The following HTR4 variants were observed in gnomAD, a reference collection of about 807,000 sequenced individuals.
HTR4 encodes the protein 5-hydroxytryptamine receptor 4.
HTR4 carries 16 observed loss-of-function variants against 36.8 expected under a neutral mutation model. The ratio of observed to expected loss-of-function variants is 0.43; its 90% CI spans 0.29 to 0.66. HTR4 has a LOEUF of 0.66. HTR4 is among the 30% of genes least tolerant of loss of function. The probability of loss-of-function intolerance (pLI) is 0.13; values close to 1 mark genes in which losing one functional copy is unlikely to be tolerated. For synonymous variants in HTR4, 189 were observed against 185.1 expected, an observed-to-expected ratio of 1.02 and a Z score of -0.17; for missense variants, 438 against 490.9, an observed-to-expected ratio of 0.89 and a Z score of 1.02.
intron 6 of HTR4, among the ~76,000 whole-genome samples, chr5:148,496,617 A>T (rs1756696463): frequency 6.6e-6 from 1 of 152,156 alleles, no homozygotes. Context: ...AGCCACAGGG[A>T]TGGAAACGTC....
chr5:148,551,856 G>A (rs553687824), intron 2 of HTR4, among the ~76,000 whole-genome samples: 19 of 152,280 alleles, frequency 1.2e-4, no homozygotes, highest in South Asian at 6.2e-4. Context: ...CAGGCCATGG[G>A]TTAGACAAGT....
chr5:148,549,079 G>A (rs1056602050), intron 3 of HTR4, among the ~76,000 whole-genome samples: 21 of 152,160 alleles, frequency 1.4e-4, no homozygotes, highest in Non-Finnish European at 3.1e-4. Flanking sequence ...GACCCAGCGT[G>A]GTCCAGCCTC....
Position 148,529,418 on chromosome 5 carries a change from G to C in HTR4, c.354-6072C>G, listed in dbSNP as rs184482318. Among the ~76,000 whole-genome samples the C allele has an allele frequency of 5.6e-4, 85 of 152,174 alleles. 1 individual carries two copies. The highest frequency in any genetic ancestry group is 2.0e-3 in the African/African-American group (81 of 41,518). On this transcript the variant is annotated intron_variant, in intron 4 of 6. Coordinates refer to ENST00000377888, the MANE Select transcript of HTR4 (RefSeq NM_000870.7). ...CATGTTGTTCTCATGATGGTGACTG[G>C]GTCTCACAAGATCTGATGGTTTTAT...
chr5:148,484,318 C>A (rs1360292316), intron 6 of HTR4: 2 of 1,613,064 alleles, frequency 1.2e-6, no homozygotes, highest in South Asian at 1.1e-5. Flanking sequence ...GAGAATGGAC[C>A]CGCTCTGGCA....
intron 2 of HTR4, among the ~76,000 whole-genome samples, chr5:148,631,668 T>A (rs562535582): frequency 6.6e-6 from 1 of 152,190 alleles, no homozygotes; most frequent in Non-Finnish European, 1.5e-5. Context: ...AAAATTTCTA[T>A]CTTTTTCTGT....
intron 2 of HTR4, among the ~76,000 whole-genome samples, chr5:148,634,916 T>C (rs761617087): frequency 1.2e-4 from 18 of 152,184 alleles, no homozygotes; most frequent in Admixed American, 2.0e-4. Context: ...AAGAAGAATT[T>C]CTGGTTCATG....
rs537853941 is a variant in HTR4, at chr5:148,651,927, T to C, written c.-48+2135A>G. Among the ~76,000 whole-genome samples, 4 of 152,242 alleles carry C rather than the reference T, an allele frequency of 2.6e-5. No individual in the cohort carries two copies. The South Asian group carries it at 8.3e-4, about 32-fold the overall frequency. On this transcript the variant is annotated intron_variant, in intron 1 of 6. Coordinates refer to ENST00000377888, the MANE Select transcript of HTR4 (RefSeq NM_000870.7). ...CTAGCATTGAAAGAACCCTTGGAAA[T>C]GATCTAGTGGCTAGATTCTAGCTGA...
downstream of HTR4, among the ~76,000 whole-genome samples, chr5:148,480,294 G>A (rs895975034): frequency 1.3e-5 from 2 of 152,162 alleles, no homozygotes; most frequent in South Asian, 4.2e-4. Flanking sequence ...TTCGTGTGTT[G>A]GGCAACCTGA....
Position 148,576,128 on chromosome 5 carries a change from A to AAAAAAAAAAAC in HTR4, c.27-25867_27-25866insGTTTTTTTTTT, listed in dbSNP as rs1561629268. 4.8e-5 allele frequency among the ~76,000 whole-genome samples: 7 copies of AAAAAAAAAAAC among 144,686 alleles called. 1 individual carries two copies. The highest frequency in any genetic ancestry group is 1.8e-4 in the African/African-American group (7 of 38,952). The allele number at this position is 144,686 out of a possible 152,430, so 94.9% of individuals were successfully genotyped here. A position where few individuals can be genotyped will look rare whatever the true frequency, so the allele number is the denominator to read the frequency against. Reference sequence around the variant, plus strand: ...TCCGTCTCAAAAAAAAAAAAAAAAAAAAAAACAAAATCAATGTAAAAAATC... The same window carrying AAAAAAAAAAAC: ...TCCGTCTCAAAAAAAAAAAAAAAAAAAAAAAAAAAACAAAAACAAAATCAATGTAAAAAATC... On this transcript the variant is annotated intron_variant, in intron 2 of 6. Coordinates refer to ENST00000377888, the MANE Select transcript of HTR4 (RefSeq NM_000870.7).
At chr5:148,529,279 T>C (rs766649562) in intron 4 of HTR4, among the ~76,000 whole-genome samples, 69 of 152,300 alleles carry the variant, frequency 4.5e-4, no homozygotes, top group Non-Finnish European at 8.4e-4. Context: ...TCCTCTGATA[T>C]GGTTTGGCTG....
At chr5:148,613,831 A>T (rs1295879034) in intron 2 of HTR4, among the ~76,000 whole-genome samples, 6 of 151,938 alleles carry the variant, frequency 3.9e-5, no homozygotes, top group South Asian at 2.1e-4. Context: ...ACTTCAGCAA[A>T]GTCTCAGGAT....
At chr5:148,613,007 A>G (rs1292973720) in intron 2 of HTR4, among the ~76,000 whole-genome samples, 1 of 144,782 alleles carries the variant, frequency 6.9e-6, no homozygotes, top group East Asian at 2.1e-4. Flanking sequence ...GAATAGACCA[A>G]TAACAGGATC....
Position 148,653,461 on chromosome 5 carries a change from C to T in HTR4, c.-48+601G>A, listed in dbSNP as rs543809097. Among the ~76,000 whole-genome samples the T allele has an allele frequency of 3.2e-3, 486 of 152,308 alleles. 3 individuals are homozygous for T. Among genetic ancestry groups the T allele is most frequent in the South Asian group, 5.0e-3 (24 of 4,828 alleles). On this transcript the variant is annotated intron_variant, in intron 1 of 6. Coordinates refer to ENST00000377888, the MANE Select transcript of HTR4 (RefSeq NM_000870.7). ...TGCATCTGAAATCGGGATTGGGATT[C>T]TGTGAAAGGCAACTGCAGGATGGTT... is the stretch of plus-strand genomic sequence containing the variant.
At chr5:148,479,099 C>T (rs546172152), downstream of HTR4, among the ~76,000 whole-genome samples, 1 of 152,234 alleles carries the variant, frequency 6.6e-6, no homozygotes, top group East Asian at 1.9e-4. Flanking sequence ...TAAATGCCTC[C>T]TCGTGGTTTG....
At chr5:148,581,573 C>T (rs74294115) in intron 2 of HTR4, among the ~76,000 whole-genome samples, 2 of 151,980 alleles carry the variant, frequency 1.3e-5, no homozygotes, top group Admixed American at 1.3e-4. Context: ...GTTTTCCCCC[C>T]AAAAAATTAT....
At chr5:148,611,932 G>A (rs1207552174) in intron 2 of HTR4, among the ~76,000 whole-genome samples, 10 of 152,054 alleles carry the variant, frequency 6.6e-5, no homozygotes, top group African/African-American at 2.4e-4. Context: ...AGACAAAGAA[G>A]GCCATTACAT....
chr5:148,507,268 G>A (rs773658510), intron 6 of HTR4, among the ~76,000 whole-genome samples: 4 of 150,122 alleles, frequency 2.7e-5, no homozygotes, highest in Non-Finnish European at 4.4e-5. Flanking sequence ...GCAAACTATC[G>A]CAAGGAGAAA....
At chr5:148,494,418 G>A (rs950558289) in intron 6 of HTR4, among the ~76,000 whole-genome samples, 2 of 152,170 alleles carry the variant, frequency 1.3e-5, no homozygotes, top group African/African-American at 4.8e-5. Context: ...ACAAGGGGCT[G>A]TAACCCGGAT....
intron 2 of HTR4, among the ~76,000 whole-genome samples, chr5:148,564,767 CT>C (rs1476758365): frequency 6.6e-6 from 1 of 152,122 alleles, no homozygotes; most frequent in Non-Finnish European, 1.5e-5. Context: ...GCTAATAATA[CT>C]TTTAAGTCTA....
Sources: allele counts gnomAD v4.1 joint callset (sites outside exome capture counted in the v4.1 genomes callset), GRCh38; gene constraint gnomAD v4.1.1; transcripts MANE v1.5; gene names NCBI Gene and HGNC (gene_info 2026-07-23, HGNC 2026-07-21).